Variants in SPHK2 observed in about 807,000 individuals in gnomAD.
The protein encoded by SPHK2 is sphingosine kinase 2.
A neutral mutation model predicts 32.3 loss-of-function variants in SPHK2; 18 were observed. The ratio of observed to expected loss-of-function variants is 0.56; its 90% CI spans 0.39 to 0.83. The LOEUF is 0.83. Ranked by LOEUF, SPHK2 falls within the 40% of genes least tolerant of loss-of-function variation. The pLI, the probability that SPHK2 is intolerant of heterozygous loss-of-function variation, is 0.00. For missense variants in SPHK2, 850 were observed against 908.7 expected (o/e 0.94, Z 0.83); for synonymous variants, 462 against 417.6 (o/e 1.11, Z -1.30).
chr19:48,625,303 A>G (rs1974562314), intron 2 of SPHK2: 7 of 1,112,400 alleles, frequency 6.3e-6, no homozygotes, highest in Non-Finnish European at 7.7e-6. Flanking sequence ...CACCTCATTG[A>G]CCCTGTTTGT....
rs139149818 is a variant in SPHK2 at position 48,621,115 on chromosome 19, T to A, written c.39+562T>A. ...TTATTTTGAGGTGGAGTTTCGCTCT[T>A]GTTGCCCAGGCTGGAGTGCAATGGC... On this transcript the variant is annotated intron_variant, in intron 2 of 6. Coordinates refer to ENST00000245222, the MANE Select transcript of SPHK2 (RefSeq NM_020126.5). Among the ~76,000 whole-genome samples, 57 of 152,212 alleles carry A rather than the reference T, an allele frequency of 3.7e-4. No individual in the cohort carries two copies. In the East Asian group the frequency reaches 9.1e-3, roughly 24 times the overall value.
rs1209651465 is a variant in SPHK2, at chr19:48,629,078, C to T, written c.1270C>T (p.Pro424Ser). ...CCTGCATCGTTCTGTGTCTGACCTG[C>T]CTCTTCCCCTGCCCCAGCCTGCCCT... ...SPLHRSVSDL[P>S]LPLPQPALAS... Residue 424 changes from proline to serine, a missense_variant, in exon 7 of 7, where the codon CCT becomes TCT. Physicochemically the swap from Pro to Ser is moderately conservative, Grantham distance 74. Transcript: ENST00000245222. 1 of 1,613,464 alleles carries T rather than the reference C, an allele frequency of 6.2e-7. No homozygotes were observed. The highest frequency in any genetic ancestry group is 2.2e-5 in the East Asian group (1 of 44,868).
chr19:48,629,273 G>A lies in SPHK2; in HGVS notation c.1465G>A (p.Gly489Arg), dbSNP rs1335167272. 8.1e-6 allele frequency: 13 copies of A among 1,613,630 alleles called. No individual in the cohort carries two copies. The highest frequency in any genetic ancestry group is 1.1e-5 in the Non-Finnish European group (13 of 1,179,980). Reference sequence around the variant, plus strand: ...AGCTCTACACTCACCCGTCTCCGAAGGGGCCCCCGTAATTCCCCCATCCTC... The same window carrying A: ...AGCTCTACACTCACCCGTCTCCGAAAGGGCCCCCGTAATTCCCCCATCCTC... ...KAALHSPVSE[G>R]APVIPPSSGL... Residue 489 changes from glycine to arginine, a missense_variant, in exon 7 of 7, where the codon GGG becomes AGG. By Grantham distance (125) the Gly-to-Arg change is moderately radical. Coordinates refer to ENST00000245222, the MANE Select transcript of SPHK2 (RefSeq NM_020126.5).
At chr19:48,620,855 C>G (rs1021955234) in intron 2 of SPHK2, 29 of 261,714 alleles carry the variant, frequency 1.1e-4, no homozygotes, top group African/African-American at 6.3e-4. Flanking sequence ...ACCCGGGAGG[C>G]AGAGGTTGCA....
intron 2 of SPHK2, chr19:48,625,375 T>C: frequency 8.6e-7 from 1 of 1,156,346 alleles, no homozygotes; most frequent in Non-Finnish European, 1.1e-6. Flanking sequence ...ATTGTTTTGC[T>C]GTTTTACCCA....
At position 48,629,174 on chromosome 19, in the gene SPHK2, G is replaced by C; in HGVS notation, c.1366G>C (p.Asp456His). ...CGGTGGGGGCCCAGAGCTGGCTGGG[G>C]ACTGGGGTGGGGCTGGGGATGCTCC... ...LNGGGPELAG[D>H]WGGAGDAPLS... Residue 456 changes from aspartate to histidine, a missense_variant, in exon 7 of 7, where the codon GAC becomes CAC. By Grantham distance (81) the Asp-to-His change is moderately conservative. Around this residue, in one of 2 missense-constraint regions of SPHK2, gnomAD observed 544 missense variants for 640.0 expected, o/e 0.85. Coordinates refer to ENST00000245222, the MANE Select transcript of SPHK2 (RefSeq NM_020126.5). The C allele has an allele frequency of 6.2e-7, 1 of 1,613,456 alleles. No homozygotes were observed. Among genetic ancestry groups the C allele is most frequent in the Non-Finnish European group, 8.5e-7 (1 of 1,179,952 alleles).
At chr19:48,627,321 G>A (rs1361153670) in intron 3 of SPHK2, among the ~76,000 whole-genome samples, 1 of 152,226 alleles carries the variant, frequency 6.6e-6, no homozygotes, top group Non-Finnish European at 1.5e-5. Flanking sequence ...AGTGATGGGT[G>A]CCAACAGAGG....
chr19:48,620,706 C>A, intron 2 of SPHK2, 153 bp downstream of exon 2: 1 of 627,382 alleles, frequency 1.6e-6, no homozygotes, highest in East Asian at 2.8e-5. Context: ...TGCGGATCAC[C>A]TGAGGCCAGG....
intron 2 of SPHK2, chr19:48,625,376 G>A (rs1412062458): frequency 8.6e-7 from 1 of 1,163,042 alleles, no homozygotes; most frequent in South Asian, 1.7e-5. Context: ...TTGTTTTGCT[G>A]TTTTACCCAC....
chr19:48,630,006 C>T lies in SPHK2; in HGVS notation c.*233C>T, dbSNP rs1462254222. The T allele has an allele frequency of 2.2e-6, 3 of 1,371,122 alleles. No individual in the cohort carries two copies. The highest frequency in any genetic ancestry group is 5.3e-5 in the East Asian group (2 of 37,824). The allele number at this position is 1,371,122 out of a possible 1,614,324, so 84.9% of individuals were successfully genotyped here. On this transcript the variant is annotated 3_prime_UTR_variant, in exon 7 of 7. Coordinates refer to ENST00000245222, the MANE Select transcript of SPHK2 (RefSeq NM_020126.5). This position sits in a 1 kb window ranked among gnomAD's most constrained non-coding sequence, Gnocchi z 4.9. Reference sequence around the variant, plus strand: ...AGTGCCTGATCAATGAGGGCGGGGCCTGGCGTCTGATCTGGGGCCGCCCTT... The same window carrying T: ...AGTGCCTGATCAATGAGGGCGGGGCTTGGCGTCTGATCTGGGGCCGCCCTT...
At chr19:48,622,051 C>G (rs561395) in intron 2 of SPHK2, among the ~76,000 whole-genome samples, 4 of 151,348 alleles carry the variant, frequency 2.6e-5, no homozygotes, top group African/African-American at 9.7e-5. Flanking sequence ...GTCAGGAGAT[C>G]GAGACCATCC....
Position 48,629,047 on chromosome 19 carries a change from C to T in SPHK2, c.1239C>T (p.His413=). 1 of 1,613,354 alleles carries T rather than the reference C, an allele frequency of 6.2e-7. No homozygotes were observed. The highest frequency in any genetic ancestry group is 8.5e-7 in the Non-Finnish European group (1 of 1,179,774). The change falls in exon 7 of 7, where the codon CAC becomes CAT. Residue 413 remains histidine, a synonymous_variant. Coordinates refer to ENST00000245222, the MANE Select transcript of SPHK2 (RefSeq NM_020126.5). ...LTPDPAPPMA[H]SPLHRSVSDL... ...CAGACCCAGCCCCGCCCATGGCCCA[C>T]TCACCCCTGCATCGTTCTGTGTCTG...
At chr19:48,620,361 T>G (rs1347788347) in intron 1 of SPHK2, 41 bp from the exon 2 acceptor site, 2 of 581,760 alleles carry the variant, frequency 3.4e-6, no homozygotes, top group Non-Finnish European at 6.0e-6. Flanking sequence ...CCTCCTGCAG[T>G]TGGCTGTCAA....
Position 48,628,522 on chromosome 19 carries a change from CTGGCCCCGTAAGGAGTCGCCTGGAGG to C in SPHK2, c.873-151_873-126del, listed in dbSNP as rs1568433898. 1 of 980,896 alleles carries C rather than the reference CTGGCCCCGTAAGGAGTCGCCTGGAGG, an allele frequency of 1.0e-6. No homozygotes were observed. Among genetic ancestry groups the C allele is most frequent in the South Asian group, 1.3e-5 (1 of 77,656 alleles). 60.8% of individuals were successfully genotyped at this position (980,896 alleles called of 1,614,324 possible). Reference sequence around the variant, plus strand: ...GAGCAAATGAAAGATGACCAGGAACCTGGCCCCGTAAGGAGTCGCCTGGAGGTGGCCCCACGGCTGTGGTGGGCCTG... The same window carrying C: ...GAGCAAATGAAAGATGACCAGGAACCTGGCCCCACGGCTGTGGTGGGCCTG... On this transcript the variant is annotated intron_variant, in intron 6 of 6. Transcript: ENST00000245222. This position sits in a 1 kb window ranked among gnomAD's most constrained non-coding sequence, Gnocchi z 5.2.
rs1327871011 is a variant in SPHK2 at position 48,629,737 on chromosome 19, C to T, written c.1929C>T (p.Leu643=). The change falls in exon 7 of 7, where the codon CTC becomes CTT. Residue 643 remains leucine (L), a synonymous_variant. Transcript: ENST00000245222. ...AQMHPGIGTL[L]TGPPGCPGRE... The stretch of plus-strand genomic sequence containing the variant: ...TGCACCCTGGCATCGGTACACTGCT[C>T]ACTGGGCCTCCTGGCTGCCCGGGGC... 6.3e-6 allele frequency: 10 copies of T among 1,592,458 alleles called. No homozygotes were observed. The highest frequency in any genetic ancestry group is 8.6e-6 in the Non-Finnish European group (10 of 1,167,124).
chr19:48,630,151 G>T lies in SPHK2; in HGVS notation c.*378G>T. The T allele has an allele frequency of 8.0e-7, 1 of 1,246,862 alleles. No individual in the cohort carries two copies. Among genetic ancestry groups the T allele is most frequent in the East Asian group, 3.3e-5 (1 of 30,720 alleles). 77.2% of individuals were successfully genotyped at this position (1,246,862 alleles called of 1,614,324 possible). The stretch of plus-strand genomic sequence containing the variant: ...GACCTGGAATGTACTGGCTGGGGTA[G>T]GCCTCAGTGAGTCGGCCGGTCAGGG... On this transcript the variant is annotated 3_prime_UTR_variant, in exon 7 of 7. Transcript: ENST00000245222. The surrounding 1 kb of genome is among the most constrained non-coding windows in gnomAD (Gnocchi z 4.9).
chr19:48,630,284 T>G lies in SPHK2; in HGVS notation c.*511T>G, dbSNP rs1393503752. ...GCTAGGATTTGCACTAATGTTCCTC[T>G]CCCCGCGGGTGGGGGCGGGGAAATT... On this transcript the variant is annotated 3_prime_UTR_variant, in exon 7 of 7. Coordinates refer to ENST00000245222, the MANE Select transcript of SPHK2 (RefSeq NM_020126.5). The surrounding 1 kb of genome is among the most constrained non-coding windows in gnomAD (Gnocchi z 4.9). 2 of 1,289,266 alleles carry G rather than the reference T, an allele frequency of 1.6e-6. No homozygotes were observed. Among genetic ancestry groups the G allele is most frequent in the Non-Finnish European group, 2.0e-6 (2 of 1,019,142 alleles). The allele number at this position is 1,289,266 out of a possible 1,614,324, so 79.9% of individuals were successfully genotyped here. A position where few individuals can be genotyped will look rare whatever the true frequency, so the allele number is the denominator to read the frequency against.
chr19:48,630,342 G>T lies in SPHK2; in HGVS notation c.*569G>T. 7.6e-7 allele frequency: 1 copy of T among 1,308,760 alleles called. No individual in the cohort carries two copies. Among genetic ancestry groups the T allele is most frequent in the South Asian group, 2.3e-5 (1 of 43,288 alleles). 81.1% of individuals were successfully genotyped at this position (1,308,760 alleles called of 1,614,324 possible). ...CCTGTTCGTCTCATGCGCGTCCTCCGTCCCCAATCTAAAAAGCAATTGAAA... is the reference window on the plus strand; with the variant it reads ...CCTGTTCGTCTCATGCGCGTCCTCCTTCCCCAATCTAAAAAGCAATTGAAA... On this transcript the variant is annotated 3_prime_UTR_variant, in exon 7 of 7. Coordinates refer to ENST00000245222, the MANE Select transcript of SPHK2 (RefSeq NM_020126.5). The surrounding 1 kb of genome is among the most constrained non-coding windows in gnomAD (Gnocchi z 4.9).
chr19:48,628,937 T>C lies in SPHK2; in HGVS notation c.1129T>C (p.Ser377Pro). 1 of 1,613,334 alleles carries C rather than the reference T, an allele frequency of 6.2e-7. No individual in the cohort carries two copies. Among genetic ancestry groups the C allele is most frequent in the Non-Finnish European group, 8.5e-7 (1 of 1,179,978 alleles). Residue 377 changes from serine to proline, a missense_variant, in exon 7 of 7, where the codon TCC (serine) becomes CCC (proline). By Grantham distance (74) the Ser-to-Pro change is moderately conservative (BLOSUM62 -1). This residue lies in a region of SPHK2 where 544 missense variants were observed against 640.0 expected (regional missense o/e 0.85). Coordinates refer to ENST00000245222, the MANE Select transcript of SPHK2 (RefSeq NM_020126.5). This position sits in a 1 kb window ranked among gnomAD's most constrained non-coding sequence, Gnocchi z 5.2. ...ATLHTYRGRLSYLPATVEPAS... is the reference protein window; with the variant it reads ...ATLHTYRGRLPYLPATVEPAS... ...ACTGCACACCTACCGCGGACGCCTC[T>C]CCTACCTCCCCGCCACTGTGGAACC...
Sources: gnomAD v4.1 joint callset for allele counts (sites outside exome capture counted in the v4.1 genomes callset) on GRCh38, gnomAD v4.1.1 for gene constraint, gnomAD v4.1.1 regional missense constraint, Gnocchi (gnomAD v3.1) non-coding constraint, MANE v1.5 for transcripts, NCBI Gene and HGNC (gene_info 2026-07-23, HGNC 2026-07-21) for gene names.